ST6GALNAC3: variants seen among roughly 807,000 people sequenced by gnomAD.
ST6GALNAC3 encodes the protein alpha-N-acetylgalactosaminide alpha-2,6-sialyltransferase 3.
In ST6GALNAC3, 25 loss-of-function variants were observed where a neutral mutation model predicts 32.7. The observed-to-expected ratio is 0.76, with a 90% CI of 0.56 to 1.07. The LOEUF is 1.07. Among genes scored for constraint, ST6GALNAC3 ranks in the 50% least tolerant of loss-of-function variants. The pLI, the probability that ST6GALNAC3 is intolerant of heterozygous loss-of-function variation, is 0.00. For missense variants in ST6GALNAC3, 355 were observed against 382.4 expected (o/e 0.93, Z 0.60); for synonymous variants, 129 against 133.1 (o/e 0.97, Z 0.21).
intron 1 of ST6GALNAC3, among the ~76,000 whole-genome samples, chr1:76,216,823 G>A (rs1319194766): frequency 6.6e-6 from 1 of 152,142 alleles, no homozygotes; most frequent in East Asian, 1.9e-4. Flanking sequence ...TCTTTGATGT[G>A]TAAAAATTAG....
chr1:76,357,794 T>G (rs34589563), intron 2 of ST6GALNAC3, among the ~76,000 whole-genome samples: 6,027 of 152,260 alleles, frequency 0.04, 167 homozygotes, highest in Non-Finnish European at 0.059. Flanking sequence ...CAGTGGTATT[T>G]TCAATGGCCT....
At chr1:76,622,284 A>C (rs341021) in intron 3 of ST6GALNAC3, among the ~76,000 whole-genome samples, 18,600 of 151,844 alleles carry the variant, frequency 0.12, 1,986 homozygotes, top group African/African-American at 0.29. Flanking sequence ...ACATTCCCCC[A>C]TTGCAGGCTA....
At chr1:76,112,082 T>A (rs904215663) in intron 1 of ST6GALNAC3, among the ~76,000 whole-genome samples, 2 of 134,268 alleles carry the variant, frequency 1.5e-5, no homozygotes, top group Non-Finnish European at 3.2e-5. Flanking sequence ...CCCCCCCACC[T>A]CCCTCCCGGA....
chr1:76,118,039 G>A (rs967539969), intron 1 of ST6GALNAC3, among the ~76,000 whole-genome samples: 1 of 152,064 alleles, frequency 6.6e-6, no homozygotes, highest in Non-Finnish European at 1.5e-5. Flanking sequence ...TATTACATAG[G>A]TATACATGTG....
At chr1:76,503,242 C>T (rs1487210158) in intron 3 of ST6GALNAC3, among the ~76,000 whole-genome samples, 1 of 152,200 alleles carries the variant, frequency 6.6e-6, no homozygotes, top group Admixed American at 6.5e-5. Context: ...CTTGCCTTCA[C>T]TTCTTTGTTC....
chr1:76,260,973 TACACACACACACACAC>T (rs59946768), intron 1 of ST6GALNAC3, among the ~76,000 whole-genome samples: 92 of 146,280 alleles, frequency 6.3e-4, no homozygotes, highest in Non-Finnish European at 1.2e-3. Flanking sequence ...GAGGTTTTGA[TACACACACACACACAC>T]ACACACACAC....
intron 3 of ST6GALNAC3, among the ~76,000 whole-genome samples, chr1:76,541,144 T>C (rs1231576038): frequency 1.3e-5 from 2 of 152,240 alleles, no homozygotes; most frequent in African/African-American, 4.8e-5. Flanking sequence ...TTCCTAGAGC[T>C]TAAAATATTG....
Position 76,539,676 on chromosome 1 carries a change from C to A in ST6GALNAC3, c.624-87776C>A, listed in dbSNP as rs202206438. Among the ~76,000 whole-genome samples the A allele has an allele frequency of 2.7e-3, 341 of 127,380 alleles. 2 individuals carry two copies. Among genetic ancestry groups the A allele is most frequent in the African/African-American group, 7.7e-3 (284 of 36,714 alleles). The allele number at this position is 127,380 out of a possible 152,430, so 83.6% of individuals were successfully genotyped here. On this transcript the variant is annotated intron_variant, in intron 3 of 4. Coordinates refer to ENST00000328299, the MANE Select transcript of ST6GALNAC3 (RefSeq NM_152996.4). ...AACTTAAATTTGCAAGAAAAAAAAA[C>A]CCCATCGAAAAGTGGGCAAAGGATA...
chr1:76,222,075 TC>T (rs1235718707), intron 1 of ST6GALNAC3, among the ~76,000 whole-genome samples: 1 of 152,188 alleles, frequency 6.6e-6, no homozygotes, highest in Non-Finnish European at 1.5e-5. Flanking sequence ...GTATTATTTT[TC>T]CTTTTCCATT....
At chr1:76,122,858 G>A (rs2100840692) in intron 1 of ST6GALNAC3, among the ~76,000 whole-genome samples, 1 of 152,288 alleles carries the variant, frequency 6.6e-6, no homozygotes, top group South Asian at 2.1e-4. Flanking sequence ...GGATTGAGAC[G>A]AGAGCTACAG....
chr1:76,283,362 T>C (rs1659606883), intron 1 of ST6GALNAC3, among the ~76,000 whole-genome samples: 1 of 152,182 alleles, frequency 6.6e-6, no homozygotes, highest in Admixed American at 6.5e-5. Context: ...TTTTTCTATG[T>C]TATAATAGAA....
chr1:76,303,245 C>G (rs1360570829), intron 1 of ST6GALNAC3, among the ~76,000 whole-genome samples: 1 of 151,966 alleles, frequency 6.6e-6, no homozygotes, highest in Middle Eastern at 3.2e-3. Context: ...TCATAGGTCA[C>G]ACTCCCATGC....
chr1:76,091,039 T>C (rs1022800440), intron 1 of ST6GALNAC3, among the ~76,000 whole-genome samples: 1 of 152,172 alleles, frequency 6.6e-6, no homozygotes, highest in Non-Finnish European at 1.5e-5. Flanking sequence ...ATCAGAAAAC[T>C]GTAAGTTAAA....
intron 1 of ST6GALNAC3, among the ~76,000 whole-genome samples, chr1:76,161,541 G>A (rs970978369): frequency 6.6e-6 from 1 of 152,188 alleles, no homozygotes; most frequent in Non-Finnish European, 1.5e-5. Flanking sequence ...GACCTCTGGA[G>A]ATTTTTCTCT....
At chr1:76,432,359 T>C (rs996790852) in intron 3 of ST6GALNAC3, among the ~76,000 whole-genome samples, 1 of 152,152 alleles carries the variant, frequency 6.6e-6, no homozygotes, top group Admixed American at 6.6e-5. Flanking sequence ...ATGTAAATTT[T>C]CAACTTGTTT....
intron 3 of ST6GALNAC3, among the ~76,000 whole-genome samples, chr1:76,522,524 A>ACTTGGGTC (rs1662610918): frequency 6.6e-6 from 1 of 151,596 alleles, no homozygotes; most frequent in African/African-American, 2.4e-5. Flanking sequence ...CTTTGAGTTC[A>ACTTGGGTC]TTAATCTTGT....
chr1:76,274,247 T>A (rs1659014188), intron 1 of ST6GALNAC3, among the ~76,000 whole-genome samples: 1 of 152,220 alleles, frequency 6.6e-6, no homozygotes, highest in East Asian at 1.9e-4. Flanking sequence ...GTCCTATTAG[T>A]CTCTGAACCT....
Position 76,221,838 on chromosome 1 carries a change from TTATTAATA to T in ST6GALNAC3, c.19-91964_19-91957del, listed in dbSNP as rs1655790615. On this transcript the variant is annotated intron_variant, in intron 1 of 4. Coordinates refer to ENST00000328299, the MANE Select transcript of ST6GALNAC3 (RefSeq NM_152996.4). ...ACTGTAGAGATTATTGGCATAAGAG[TTATTAATA>T]TAAAAGTCATGACTCAAAAAATATC... Among the ~76,000 whole-genome samples the T allele has an allele frequency of 2.0e-5, 3 of 152,142 alleles. No individual in the cohort carries two copies. The South Asian group carries it at 6.2e-4, about 32-fold the overall frequency.
intron 3 of ST6GALNAC3, among the ~76,000 whole-genome samples, chr1:76,623,522 A>C (rs900455793): frequency 1.3e-5 from 2 of 151,962 alleles, no homozygotes; most frequent in Non-Finnish European, 2.9e-5. Context: ...GAAGGTAAAA[A>C]AAAATGCTAT....
Sources: allele counts gnomAD v4.1 joint callset (sites outside exome capture counted in the v4.1 genomes callset), GRCh38; gene constraint gnomAD v4.1.1; transcripts MANE v1.5; gene names NCBI Gene and HGNC (gene_info 2026-07-23, HGNC 2026-07-21).